The following DAB1 variants were observed in gnomAD, a reference collection of about 807,000 sequenced individuals.
DAB1 encodes the protein disabled homolog 1.
DAB1 carries 15 observed loss-of-function variants against 64.6 expected under a neutral mutation model. The observed-to-expected ratio is 0.23, with a 90% CI of 0.16 to 0.36. The LOEUF (loss-of-function observed/expected upper bound fraction) is 0.36. DAB1 is among the 10% of genes least tolerant of loss of function. The pLI is 1.00. For missense variants in DAB1, 596 were observed against 706.7 expected (o/e 0.84, Z 1.78); for synonymous variants, 235 against 251.9 (o/e 0.93, Z 0.64).
chr1:58,374,751 A>T (rs1184011717), intron 3 of DAB1, among the ~76,000 whole-genome samples: 2 of 140,516 alleles, frequency 1.4e-5, no homozygotes, highest in African/African-American at 2.7e-5. Flanking sequence ...ATGGCATTGA[A>T]TCTGTAAATT....
At chr1:57,989,057 G>A (rs751283262) in intron 5 of DAB1, among the ~76,000 whole-genome samples, 3 of 152,112 alleles carry the variant, frequency 2.0e-5, no homozygotes, top group Non-Finnish European at 4.4e-5. Context: ...AAGTCAAGTG[G>A]GCCTGGGCTC....
intron 1 of DAB1, chr1:58,536,407 A>T: frequency 3.1e-6 from 2 of 645,020 alleles, no homozygotes; most frequent in South Asian, 3.9e-5. Context: ...CTAATTTCAT[A>T]TCAAAGACTA....
chr1:57,769,316 A>G (rs1649456212), intron 6 of DAB1, among the ~76,000 whole-genome samples: 1 of 152,140 alleles, frequency 6.6e-6, no homozygotes, highest in Non-Finnish European at 1.5e-5. Flanking sequence ...AACCACTAGT[A>G]GCCTTTCTAT....
chr1:57,844,033 CT>C (rs1160351082), intron 1 of DAB1, among the ~76,000 whole-genome samples: 5 of 152,354 alleles, frequency 3.3e-5, no homozygotes, highest in African/African-American at 1.2e-4. Context: ...CACACTATCT[CT>C]TTTCAATCTT....
At chr1:57,454,650 C>T (rs996945335) in intron 7 of DAB1, among the ~76,000 whole-genome samples, 11 of 151,996 alleles carry the variant, frequency 7.2e-5, no homozygotes, top group Middle Eastern at 3.4e-3. Context: ...TACCCCTAAA[C>T]GTAAAATTTT....
chr1:58,416,554 A>G (rs1214065299), intron 3 of DAB1, among the ~76,000 whole-genome samples: 1 of 152,214 alleles, frequency 6.6e-6, no homozygotes, highest in African/African-American at 2.4e-5. Context: ...GTGCAACCAA[A>G]AAAATGAATC....
chr1:57,862,772 T>C (rs1052519510), intron 1 of DAB1: 3 of 152,174 alleles, frequency 2.0e-5, no homozygotes, highest in African/African-American at 4.8e-5. Context: ...CTAAAATTAA[T>C]CAGACTAACC....
chr1:57,408,667 T>A (rs1387894427), intron 1 of DAB1, among the ~76,000 whole-genome samples: 1 of 152,156 alleles, frequency 6.6e-6, no homozygotes, highest in South Asian at 2.1e-4. Context: ...AGGGCCAGGA[T>A]GGATGGGATA....
At chr1:57,584,553 C>T (rs1173889883) in intron 7 of DAB1, among the ~76,000 whole-genome samples, 4 of 152,138 alleles carry the variant, frequency 2.6e-5, no homozygotes, top group Non-Finnish European at 4.4e-5. Flanking sequence ...GACCTGGGCT[C>T]GGCACCTCTG....
At chr1:57,159,076 C>T (rs992623172) in intron 2 of DAB1, among the ~76,000 whole-genome samples, 4 of 152,092 alleles carry the variant, frequency 2.6e-5, no homozygotes, top group Non-Finnish European at 4.4e-5. Context: ...TAAGACAGGA[C>T]GCTTGTGGGA....
intron 6 of DAB1, among the ~76,000 whole-genome samples, chr1:57,819,657 T>C (rs900653269): frequency 1.3e-5 from 2 of 152,204 alleles, no homozygotes; most frequent in African/African-American, 2.4e-5. Context: ...AAGATAAAGA[T>C]GAAAAGATGA....
At chr1:57,828,859 G>A (rs1013099325) in intron 1 of DAB1, among the ~76,000 whole-genome samples, 4 of 152,098 alleles carry the variant, frequency 2.6e-5, no homozygotes, top group Middle Eastern at 3.2e-3. Flanking sequence ...ATGACAAACC[G>A]GTGATTTAAA....
intron 2 of DAB1, among the ~76,000 whole-genome samples, chr1:58,522,454 A>G (rs1048172525): frequency 6.6e-6 from 1 of 152,208 alleles, no homozygotes; most frequent in Non-Finnish European, 1.5e-5. Context: ...AAAGCTTACA[A>G]CAAACATCAT....
At chr1:57,069,270 C>T (rs1651220163) in intron 8 of DAB1, 90 bp downstream of exon 8, 2 of 1,092,600 alleles carry the variant, frequency 1.8e-6, no homozygotes, top group Non-Finnish European at 2.8e-6. Context: ...CCAGGAATGA[C>T]CAACAGAACC....
intron 3 of DAB1, among the ~76,000 whole-genome samples, chr1:58,350,206 GTGA>G (rs1240550459): frequency 6.6e-6 from 1 of 152,134 alleles, no homozygotes; most frequent in Non-Finnish European, 1.5e-5. Context: ...CTCAATAACA[GTGA>G]TGATGATCTT....
At chr1:58,276,340 T>G (rs1191784137) in intron 4 of DAB1, among the ~76,000 whole-genome samples, 5 of 152,206 alleles carry the variant, frequency 3.3e-5, no homozygotes, top group Non-Finnish European at 5.9e-5. Flanking sequence ...TTTTAAAATT[T>G]TTTTAAAGAA....
rs1671244037 is a variant in DAB1 at position 57,273,801 on chromosome 1, A to G, written c.67+17163T>C. ...TTGACTGGAATCTCACCAGCCCTTGACTGCTCCATCTACTGTTGACAATGG... is the reference window on the plus strand; with the variant it reads ...TTGACTGGAATCTCACCAGCCCTTGGCTGCTCCATCTACTGTTGACAATGG... On this transcript the variant is annotated intron_variant, in intron 2 of 14. Transcript: ENST00000371236. 3.3e-5 allele frequency among the ~76,000 whole-genome samples: 5 copies of G among 151,894 alleles called. No homozygotes were observed. In the South Asian group the frequency reaches 1.0e-3, roughly 32 times the overall value.
At chr1:58,130,891 T>C (rs1165004921) in intron 5 of DAB1, among the ~76,000 whole-genome samples, 2 of 151,892 alleles carry the variant, frequency 1.3e-5, no homozygotes, top group Non-Finnish European at 1.5e-5. Context: ...GCCCTTAACA[T>C]TTTTTCCTTC....
chr1:57,110,190 G>A (rs557399515), intron 4 of DAB1, among the ~76,000 whole-genome samples: 24 of 152,274 alleles, frequency 1.6e-4, no homozygotes, highest in African/African-American at 4.8e-4. Context: ...AAACATGAGC[G>A]AGACCAGTCT....
Sources: gnomAD v4.1 joint callset for allele counts (sites outside exome capture counted in the v4.1 genomes callset) on GRCh38, gnomAD v4.1.1 for gene constraint, MANE v1.5 for transcripts, NCBI Gene and HGNC (gene_info 2026-07-23, HGNC 2026-07-21) for gene names.